ADCY5: variants seen among roughly 807,000 people sequenced by gnomAD.
ADCY5 encodes the protein adenylate cyclase 5, also known as adenylate cyclase type 5.
ADCY5 carries 30 observed loss-of-function variants against 119.7 expected under a neutral mutation model. That is an observed-to-expected ratio of 0.25 (90% CI 0.19 to 0.34). The LOEUF is 0.34. Ranked by LOEUF, ADCY5 falls within the 10% of genes least tolerant of loss-of-function variation. The pLI is 1.00. For missense variants in ADCY5, 1,324 were observed against 1,775.2 expected (o/e 0.75, Z 4.57); for synonymous variants, 753 against 762.2 (o/e 0.99, Z 0.20).
chr3:123,315,101 G>A (rs1260762609), intron 11 of ADCY5, among the ~76,000 whole-genome samples: 2 of 152,198 alleles, frequency 1.3e-5, no homozygotes, highest in Non-Finnish European at 2.9e-5. Context: ...GGCAAGGGCT[G>A]GCCCAGGGAC....
At chr3:123,294,501 C>T (rs1939368723) in intron 17 of ADCY5, among the ~76,000 whole-genome samples, 1 of 152,224 alleles carries the variant, frequency 6.6e-6, no homozygotes, top group African/African-American at 2.4e-5. Flanking sequence ...TGGAGTCTCT[C>T]AGTGCGAGGC....
chr3:123,378,333 G>A (rs1943913853), intron 1 of ADCY5, among the ~76,000 whole-genome samples: 1 of 151,876 alleles, frequency 6.6e-6, no homozygotes, highest in Admixed American at 6.6e-5. Context: ...ACTCTAACGT[G>A]CTATTCTATT....
At position 123,325,383 on chromosome 3, in the gene ADCY5, GC is replaced by G. The variant is rs151195921; in HGVS notation, c.2026del (p.Ala676LeufsTer18). ...CAGGTGGTTGTAGAAGGGGCGCTCA[GC>G]CCCCCAGTGTGGTGGGTTGTGCCCG... is the stretch of plus-strand genomic sequence containing the variant. ...SIGHNPPHWG[A>X]ERPFYNHLGG... On this transcript the variant is annotated frameshift_variant, in exon 8 of 21. Transcript: ENST00000462833. LOFTEE classifies it high-confidence loss of function. 1 of 1,614,168 alleles carries G rather than the reference GC, an allele frequency of 6.2e-7. No homozygotes were observed. The highest frequency in any genetic ancestry group is 2.2e-5 in the East Asian group (1 of 44,858).
chr3:123,409,892 T>A (rs939533919), intron 1 of ADCY5, among the ~76,000 whole-genome samples: 1 of 152,188 alleles, frequency 6.6e-6, no homozygotes, highest in African/African-American at 2.4e-5. Flanking sequence ...AGCTAATCTA[T>A]CACCTGGATA....
intron 10 of ADCY5, among the ~76,000 whole-genome samples, chr3:123,319,364 A>C (rs944519481): frequency 1.3e-5 from 2 of 152,008 alleles, no homozygotes; most frequent in African/African-American, 4.8e-5. Context: ...AAAAAAAAAA[A>C]AAATGAAAAA....
chr3:123,317,075 G>T (rs1415055644), intron 11 of ADCY5, among the ~76,000 whole-genome samples: 1 of 152,074 alleles, frequency 6.6e-6, no homozygotes, highest in African/African-American at 2.4e-5. Context: ...GTGTGCATGG[G>T]TGTACATACA....
intron 16 of ADCY5, 165 bp downstream of exon 16, chr3:123,297,188 G>T: frequency 7.5e-7 from 1 of 1,337,170 alleles, no homozygotes; most frequent in Non-Finnish European, 1.1e-6. Flanking sequence ...TGCCCCCCGA[G>T]GACGCCTTGC....
chr3:123,325,299 A>G (rs1321890236), intron 8 of ADCY5, 23 bp downstream of exon 8: 2 of 1,613,282 alleles, frequency 1.2e-6, no homozygotes, highest in Admixed American at 3.3e-5. Flanking sequence ...TGTTGCCCAC[A>G]GGCTGCCCCA....
rs566476449 is a variant in ADCY5, at chr3:123,419,676, C to T, written c.1134+27736G>A. 2.7e-4 allele frequency among the ~76,000 whole-genome samples: 41 copies of T among 152,268 alleles called. 1 individual carries two copies. The South Asian group carries it at 4.8e-3, about 18-fold the overall frequency. On this transcript the variant is annotated intron_variant, in intron 1 of 20. Transcript: ENST00000462833. Reference sequence around the variant, plus strand: ...GGAAGACTCTGTGTACCCGGACATACGTGGCACATTCCAGCTTCCAATCCT... The same window carrying T: ...GGAAGACTCTGTGTACCCGGACATATGTGGCACATTCCAGCTTCCAATCCT...
chr3:123,357,554 G>C (rs1334788887), intron 1 of ADCY5, among the ~76,000 whole-genome samples: 2 of 152,160 alleles, frequency 1.3e-5, no homozygotes, highest in Non-Finnish European at 2.9e-5. Flanking sequence ...TAAGCTTAGG[G>C]TGCCTTGGTG....
At chr3:123,386,772 C>T (rs1236877792) in intron 1 of ADCY5, among the ~76,000 whole-genome samples, 1 of 152,138 alleles carries the variant, frequency 6.6e-6, no homozygotes, top group East Asian at 1.9e-4. Flanking sequence ...CCCACGCTGC[C>T]TGCCAGCGCC....
chr3:123,302,510 T>A (rs1433233162), intron 14 of ADCY5, among the ~76,000 whole-genome samples: 6 of 152,044 alleles, frequency 3.9e-5, no homozygotes, highest in Admixed American at 3.3e-4. Context: ...CTCCCCTCCC[T>A]CCTCTCTAAC....
chr3:123,403,391 A>AG (rs1436315484), intron 1 of ADCY5, among the ~76,000 whole-genome samples: 3 of 151,282 alleles, frequency 2.0e-5, no homozygotes, highest in African/African-American at 7.3e-5. Context: ...AAAAAAAAAA[A>AG]AAAAAAAAAA....
chr3:123,343,342 T>C (rs1283371492), intron 3 of ADCY5, among the ~76,000 whole-genome samples: 2 of 152,162 alleles, frequency 1.3e-5, no homozygotes, highest in African/African-American at 4.8e-5. Flanking sequence ...GATGAGTGAA[T>C]GGCCATCCCA....
At chr3:123,395,721 A>G (rs1944519835) in intron 1 of ADCY5, among the ~76,000 whole-genome samples, 1 of 151,840 alleles carries the variant, frequency 6.6e-6, no homozygotes, top group Non-Finnish European at 1.5e-5. Context: ...CTACAAAAAA[A>G]AAAATTTTTT....
chr3:123,299,328 T>C (rs1939699460), intron 15 of ADCY5, among the ~76,000 whole-genome samples: 1 of 152,218 alleles, frequency 6.6e-6, no homozygotes, highest in South Asian at 2.1e-4. Context: ...CACATCCAGC[T>C]TCCAACAAAA....
At chr3:123,403,036 A>G (rs2107611751) in intron 1 of ADCY5, among the ~76,000 whole-genome samples, 1 of 152,280 alleles carries the variant, frequency 6.6e-6, no homozygotes, top group African/African-American at 2.4e-5. Context: ...TGTCTTCACC[A>G]GTGTCTCCCC....
chr3:123,362,669 G>T (rs143786061), intron 1 of ADCY5, among the ~76,000 whole-genome samples: 55 of 152,282 alleles, frequency 3.6e-4, no homozygotes, highest in East Asian at 3.3e-3. Context: ...TCCAGATCTG[G>T]TGGGGAAGTC....
intron 1 of ADCY5, among the ~76,000 whole-genome samples, chr3:123,435,712 A>G (rs1316759986): frequency 6.6e-6 from 1 of 152,048 alleles, no homozygotes; most frequent in Non-Finnish European, 1.5e-5. Context: ...CACATTTTTA[A>G]GAAGTAAAAA....
Sources: allele counts gnomAD v4.1 joint callset (sites outside exome capture counted in the v4.1 genomes callset), GRCh38; gene constraint gnomAD v4.1.1; transcripts MANE v1.5; gene names NCBI Gene and HGNC (gene_info 2026-07-23, HGNC 2026-07-21).